SLC29A1: variants seen among roughly 807,000 people sequenced by gnomAD.
SLC29A1 encodes the protein equilibrative nucleoside transporter 1.
SLC29A1 carries 22 observed loss-of-function variants against 48.3 expected under a neutral mutation model. The ratio of observed to expected loss-of-function variants is 0.46; its 90% CI spans 0.33 to 0.65. SLC29A1 has a LOEUF of 0.65. Ranked by LOEUF, SLC29A1 falls within the 30% of genes least tolerant of loss-of-function variation. SLC29A1 has a pLI of 0.03. For synonymous variants in SLC29A1, 228 were observed against 231.0 expected (o/e 0.99, Z 0.12); for missense variants, 491 against 575.3 (o/e 0.85, Z 1.50).
upstream of SLC29A1, among the ~76,000 whole-genome samples, chr6:44,219,974 G>A (rs1277622850): frequency 2.6e-5 from 4 of 152,174 alleles, no homozygotes; most frequent in East Asian, 7.7e-4. Flanking sequence ...GCCATTATTA[G>A]ATGACTGCCT....
intron 1 of SLC29A1, among the ~76,000 whole-genome samples, chr6:44,224,385 A>G (rs1777034429): frequency 6.6e-6 from 1 of 151,732 alleles, no homozygotes. Context: ...GGCGGGGCTG[A>G]GCTGCCTGAC....
Position 44,229,913 on chromosome 6 carries a change from C to T in SLC29A1, c.321C>T (p.Pro107=). ...YLNSFLHQRI[P]QSVRILGSLV... ...CCTTGGCCTCTCCCGGCAGGATCCC[C>T]CAGTCCGTACGGATCCTGGGCAGCC... Residue 107 remains proline, a synonymous_variant, in exon 5 of 13, where the codon CCC becomes CCT. Coordinates refer to ENST00000371755, the MANE Select transcript of SLC29A1 (RefSeq NM_001372327.1). The surrounding 1 kb of genome is among the most constrained non-coding windows in gnomAD (Gnocchi z 5.1). 1 of 1,613,326 alleles carries T rather than the reference C, an allele frequency of 6.2e-7. No homozygotes were observed. Among genetic ancestry groups the T allele is most frequent in the South Asian group, 1.1e-5 (1 of 91,084 alleles).
At chr6:44,230,776 C>G (rs758332484) in intron 7 of SLC29A1, 35 bp from the exon 8 acceptor site, 76 of 1,598,474 alleles carry the variant, frequency 4.8e-5, no homozygotes, top group South Asian at 1.3e-4. Flanking sequence ...GATTCTGCCT[C>G]TAAATCCACC....
chr6:44,219,746 C>T (rs1349737727), upstream of SLC29A1: 1 of 1,289,000 alleles, frequency 7.8e-7, no homozygotes, highest in African/African-American at 1.5e-5. Context: ...TTTCCGTCCC[C>T]CACCAAGTCC....
rs1484775454 is a variant in SLC29A1, at chr6:44,223,954, T to C, written c.-52+313T>C. On this transcript the variant is annotated intron_variant, in intron 1 of 12. Transcript: ENST00000371755. The surrounding 1 kb of genome is among the most constrained non-coding windows in gnomAD (Gnocchi z 5.0). ...AGTGGACGGGTGATCCCCATCGATC[T>C]GGTCGGTATCAGGGAGGGGCCGTGC... The C allele has an allele frequency of 3.0e-6, 3 of 987,478 alleles. No individual in the cohort carries two copies. Among genetic ancestry groups the C allele is most frequent in the Non-Finnish European group, 2.4e-6 (2 of 831,718 alleles). The allele number at this position is 987,478 out of a possible 1,614,324, so 61.2% of individuals were successfully genotyped here.
intron 1 of SLC29A1, chr6:44,224,068 G>C (rs1052429821): frequency 1.2e-5 from 4 of 342,926 alleles, no homozygotes; most frequent in African/African-American, 6.8e-5. Flanking sequence ...GGAGGTGCGG[G>C]GCTGTCTCTT....
In SLC29A1 at chr6:44,232,894, C is replaced by T. The variant is rs747786606; in HGVS notation, c.1147C>T (p.Arg383Cys). ...PLLLLCNIKP[R>C]RYLTVVFEHD... ...GCTGCTGCTGTGCAACATTAAGCCC[C>T]GCCGCTACCTGACTGTGGTCTTCGA... Residue 383 changes from arginine (R) to cysteine (C), a missense_variant, in exon 12 of 13, where the codon CGC (arginine) becomes TGC (cysteine). Transcript: ENST00000371755. This position sits in a 1 kb window ranked among gnomAD's most constrained non-coding sequence, Gnocchi z 4.7. 5.6e-6 allele frequency: 9 copies of T among 1,614,014 alleles called. No individual in the cohort carries two copies. The highest frequency in any genetic ancestry group is 7.6e-6 in the Non-Finnish European group (9 of 1,180,048).
Position 44,229,515 on chromosome 6 carries a change from G to A in SLC29A1, c.111+44G>A, listed in dbSNP as rs774236976. On this transcript the variant is annotated intron_variant, in intron 3 of 12. Coordinates refer to ENST00000371755, the MANE Select transcript of SLC29A1 (RefSeq NM_001372327.1). This position sits in a 1 kb window ranked among gnomAD's most constrained non-coding sequence, Gnocchi z 5.1. ...GGCTCCATGGGGCAGTGCCCACTGT[G>A]CTTGCAGGATCTGACTCTGTGCTGG... 7.0e-5 allele frequency: 113 copies of A among 1,609,118 alleles called. No homozygotes were observed. Among genetic ancestry groups the A allele is most frequent in the Non-Finnish European group, 9.5e-5 (112 of 1,175,624 alleles).
intron 6 of SLC29A1, 39 bp downstream of exon 6, chr6:44,230,520 G>A: frequency 6.2e-7 from 1 of 1,614,040 alleles, no homozygotes; most frequent in Non-Finnish European, 8.5e-7. Flanking sequence ...CCCTGGTGTG[G>A]TGGGGAGAGG....
At chr6:44,224,545 T>C (rs147524135) in intron 1 of SLC29A1, among the ~76,000 whole-genome samples, 6 of 152,252 alleles carry the variant, frequency 3.9e-5, no homozygotes, top group Admixed American at 6.5e-5. Flanking sequence ...ACATTTAATA[T>C]GGATTCTAGC....
At chr6:44,219,699 G>A, upstream of SLC29A1, 2 of 1,288,746 alleles carry the variant, frequency 1.6e-6, no homozygotes, top group Non-Finnish European at 2.0e-6. Context: ...GCCCCGAGAT[G>A]AGGAGGGAGA....
rs549127928 is a variant in SLC29A1, at chr6:44,227,049, G to A, written c.-51-214G>A. On this transcript the variant is annotated intron_variant, in intron 1 of 12. Transcript: ENST00000371755. ...CCAGGCCGGGAGCCAGGTAGAGTCT[G>A]AGCAGGCAGGGGGGCCGCGCAGGAC... is the stretch of plus-strand genomic sequence containing the variant. 1,063 of 1,350,700 alleles carry A rather than the reference G, an allele frequency of 7.9e-4. 1 individual carries two copies. Among genetic ancestry groups the A allele is most frequent in the South Asian group, 1.3e-3 (74 of 58,932 alleles). 83.7% of individuals were successfully genotyped at this position (1,350,700 alleles called of 1,614,324 possible).
Position 44,229,601 on chromosome 6 carries a change from C to T in SLC29A1, c.124C>T (p.Arg42Cys), listed in dbSNP as rs748730737. 6.4e-5 allele frequency: 103 copies of T among 1,613,992 alleles called. No individual in the cohort carries two copies. The highest frequency in any genetic ancestry group is 3.0e-4 in the Admixed American group (18 of 59,990). Residue 42 changes from arginine to cysteine, a missense_variant, in exon 4 of 13, where the codon CGC (arginine) becomes TGC (cysteine). Transcript: ENST00000371755. The surrounding 1 kb of genome is among the most constrained non-coding windows in gnomAD (Gnocchi z 5.1). Reference sequence around the variant, plus strand: ...GCAACCCCTGCAGTATTTCACAAACCGCCTGGACATGTCCCAGAATGTGTC... The same window carrying T: ...GCAACCCCTGCAGTATTTCACAAACTGCCTGGACATGTCCCAGAATGTGTC... ...FMTATQYFTN[R>C]LDMSQNVSLV...
In SLC29A1 at chr6:44,232,746, TG is replaced by T. The variant is rs1779176980; in HGVS notation, c.1060-56del. 12 of 1,533,756 alleles carry T rather than the reference TG, an allele frequency of 7.8e-6. No homozygotes were observed. Reference sequence around the variant, plus strand: ...TCCTGAGGGGCCCCAGATGGATCCTTGGGGGCCTGGCTGTGCCCTGGGGTGG... The same window carrying T: ...TCCTGAGGGGCCCCAGATGGATCCTTGGGGCCTGGCTGTGCCCTGGGGTGG... On this transcript the variant is annotated intron_variant, in intron 11 of 12. Coordinates refer to ENST00000371755, the MANE Select transcript of SLC29A1 (RefSeq NM_001372327.1). The surrounding 1 kb of genome is among the most constrained non-coding windows in gnomAD (Gnocchi z 4.7).
intron 1 of SLC29A1, chr6:44,226,167 G>A: frequency 4.1e-6 from 4 of 966,732 alleles, no homozygotes; most frequent in Non-Finnish European, 4.9e-6. Context: ...CTGGGCACCT[G>A]GTGAGTGCCC....
chr6:44,230,845 A>G lies in SLC29A1; in HGVS notation c.722A>G (p.Glu241Gly), dbSNP rs775622534. 6.2e-7 allele frequency: 1 copy of G among 1,614,154 alleles called. No individual in the cohort carries two copies. Among genetic ancestry groups the G allele is most frequent in the Non-Finnish European group, 8.5e-7 (1 of 1,180,020 alleles). Residue 241 changes from glutamate to glycine, a missense_variant, in exon 8 of 13, where the codon GAA becomes GGA. Physicochemically the swap from Glu to Gly is moderately conservative, Grantham distance 98. Coordinates refer to ENST00000371755, the MANE Select transcript of SLC29A1 (RefSeq NM_001372327.1). ...FYRYYQQLKLEGPGEQETKLD... is the reference protein window; with the variant it reads ...FYRYYQQLKLGGPGEQETKLD... ...CGCTACTACCAGCAGCTCAAGCTTG[A>G]AGGACCCGGGGAGCAGGAGACCAAG...
At chr6:44,231,539 A>G in intron 9 of SLC29A1, 78 bp downstream of exon 9, 1 of 902,126 alleles carries the variant, frequency 1.1e-6, no homozygotes, top group Middle Eastern at 2.1e-4. Context: ...CCTGCCACCC[A>G]TCTCCTCCCT....
chr6:44,219,623 C>A, upstream of SLC29A1: 1 of 1,059,210 alleles, frequency 9.4e-7, no homozygotes, highest in Non-Finnish European at 1.3e-6. Context: ...GCCTCTCTTC[C>A]GCCCGGCGGC....
Position 44,229,847 on chromosome 6 carries a change from C to T in SLC29A1, c.314+56C>T, listed in dbSNP as rs1778428766. ...CCTGACCCTCACTGTGTCCTGCACC[C>T]CCTTGGCTGAGCCCCAGCTTTGCCC... On this transcript the variant is annotated intron_variant, in intron 4 of 12. Transcript: ENST00000371755. This position sits in a 1 kb window ranked among gnomAD's most constrained non-coding sequence, Gnocchi z 5.1. 1.9e-6 allele frequency: 3 copies of T among 1,610,958 alleles called. No individual in the cohort carries two copies. The highest frequency in any genetic ancestry group is 2.5e-6 in the Non-Finnish European group (3 of 1,179,096).
Sources: allele counts gnomAD v4.1 joint callset (sites outside exome capture counted in the v4.1 genomes callset), GRCh38; gene constraint gnomAD v4.1.1; non-coding constraint Gnocchi (gnomAD v3.1); transcripts MANE v1.5; gene names NCBI Gene and HGNC (gene_info 2026-07-23, HGNC 2026-07-21).